SCN11A: variants seen among roughly 807,000 people sequenced by gnomAD.
SCN11A encodes the protein sodium voltage-gated channel alpha subunit 11.
A neutral mutation model predicts 162.2 loss-of-function variants in SCN11A; 122 were observed. The observed-to-expected ratio is 0.75, with a 90% CI of 0.65 to 0.87. The LOEUF (loss-of-function observed/expected upper bound fraction) is 0.87. Ranked by LOEUF, SCN11A falls within the 40% of genes least tolerant of loss-of-function variation. The pLI, the probability that SCN11A is intolerant of heterozygous loss-of-function variation, is 0.00. For missense variants in SCN11A, 2,015 were observed against 2,181.6 expected (o/e 0.92, Z 1.52); for synonymous variants, 758 against 751.5 (o/e 1.01, Z -0.14).
chr3:38,995,704 C>T (rs2030603997), intron 2 of SCN11A, among the ~76,000 whole-genome samples: 1 of 152,174 alleles, frequency 6.6e-6, no homozygotes, highest in Admixed American at 6.5e-5. Flanking sequence ...ACTAGAATTA[C>T]ACCACAGTTT....
intron 2 of SCN11A, among the ~76,000 whole-genome samples, chr3:39,008,693 T>C (rs562670290): frequency 5.1e-4 from 78 of 152,212 alleles, no homozygotes; most frequent in African/African-American, 1.7e-3. Context: ...CTTTGAGACC[T>C]GCCTGGCCAA....
At chr3:38,994,495 G>GA (rs1355063169) in intron 2 of SCN11A, among the ~76,000 whole-genome samples, 1 of 152,230 alleles carries the variant, frequency 6.6e-6, no homozygotes, top group African/African-American at 2.4e-5. Flanking sequence ...CTGGAAAAGA[G>GA]AAAGAGGATC....
In SCN11A at chr3:38,846,529, T is replaced by A. The variant is rs561599852; in HGVS notation, c.*165A>T. ...GCCTTATCTTATATCTCTGTAAGTA[T>A]TATTTAAAATGAAATTGAAATATCA... is the stretch of plus-strand genomic sequence containing the variant. On this transcript the variant is annotated 3_prime_UTR_variant, in exon 30 of 30. Transcript: ENST00000302328. 3 of 611,170 alleles carry A rather than the reference T, an allele frequency of 4.9e-6. No homozygotes were observed. The highest frequency in any genetic ancestry group is 1.8e-5 in the African/African-American group (1 of 54,128). The allele number at this position is 611,170 out of a possible 1,614,324, so 37.9% of individuals were successfully genotyped here. A position where few individuals can be genotyped will look rare whatever the true frequency, so the allele number is the denominator to read the frequency against.
intron 11 of SCN11A, among the ~76,000 whole-genome samples, chr3:38,910,633 C>G (rs1278854668): frequency 6.6e-6 from 1 of 152,124 alleles, no homozygotes; most frequent in East Asian, 1.9e-4. Flanking sequence ...ACATGCTTTG[C>G]ACTCTCCTGC....
At chr3:39,015,420 G>C (rs537730450) in intron 2 of SCN11A, among the ~76,000 whole-genome samples, 3 of 152,178 alleles carry the variant, frequency 2.0e-5, no homozygotes, top group African/African-American at 7.2e-5. Flanking sequence ...CAAACCCACT[G>C]AGTAAGCACA....
intron 28 of SCN11A, among the ~76,000 whole-genome samples, chr3:38,852,524 C>G (rs2064799490): frequency 1.3e-5 from 2 of 152,138 alleles, no homozygotes; most frequent in Admixed American, 1.3e-4. Flanking sequence ...TTCTATGTCA[C>G]TTCAGAACGC....
Position 38,867,422 on chromosome 3 carries a change from C to T in SCN11A, c.3850G>A (p.Gly1284Ser), listed in dbSNP as rs767982270. ...QQPEFESNSL[G>S]YIYFVVFIIF... Reference sequence around the variant, plus strand: ...ATAAAGACTACGAAGTAAATGTAACCGAGTGAATTGCTCTCAAACTCTGGC... The same window carrying T: ...ATAAAGACTACGAAGTAAATGTAACTGAGTGAATTGCTCTCAAACTCTGGC... The change falls in exon 27 of 30, where the codon GGT becomes AGT. Residue 1284 changes from glycine to serine, a missense_variant. Transcript: ENST00000302328. 68 of 1,612,844 alleles carry T rather than the reference C, an allele frequency of 4.2e-5. 1 individual carries two copies. The Middle Eastern group carries it at 5.0e-4, about 12-fold the overall frequency.
chr3:39,008,858 G>A lies in SCN11A; in HGVS notation c.-280+23522C>T, dbSNP rs570925465. Among the ~76,000 whole-genome samples, 3 of 150,128 alleles carry A rather than the reference G, an allele frequency of 2.0e-5. No individual in the cohort carries two copies. The South Asian group carries it at 6.3e-4, about 31-fold the overall frequency. ...GATTGTACCATTGCATTCCAGCCTG[G>A]GCAACAGAGCAAGACTCCATCTCAA... On this transcript the variant is annotated intron_variant, in intron 2 of 29. Transcript: ENST00000302328.
At chr3:39,038,066 T>C (rs564499744) in intron 1 of SCN11A, among the ~76,000 whole-genome samples, 1 of 152,218 alleles carries the variant, frequency 6.6e-6, no homozygotes, top group Non-Finnish European at 1.5e-5. Flanking sequence ...AATATCTTTG[T>C]GAGAGCTGTG....
chr3:38,923,438 A>G (rs979744749), intron 9 of SCN11A, among the ~76,000 whole-genome samples: 1 of 152,172 alleles, frequency 6.6e-6, no homozygotes, highest in South Asian at 2.1e-4. Flanking sequence ...TCTCACAGCC[A>G]TCTCAAACAT....
chr3:38,856,056 C>A (rs1343212326), intron 28 of SCN11A, among the ~76,000 whole-genome samples: 2 of 152,194 alleles, frequency 1.3e-5, no homozygotes, highest in African/African-American at 4.8e-5. Flanking sequence ...ACAAAAGAAT[C>A]TGAAGAGCAG....
chr3:38,998,065 C>G (rs2030697940), intron 2 of SCN11A, among the ~76,000 whole-genome samples: 1 of 152,178 alleles, frequency 6.6e-6, no homozygotes, highest in South Asian at 2.1e-4. Flanking sequence ...TTTGCTTTAA[C>G]AACTCCCTCC....
Position 39,015,690 on chromosome 3 carries a change from A to G in SCN11A, c.-280+16690T>C, listed in dbSNP as rs545909789. On this transcript the variant is annotated intron_variant, in intron 2 of 29. Coordinates refer to ENST00000302328, the MANE Select transcript of SCN11A (RefSeq NM_001349253.2). ...TCTCATAGAGACAGTGACTACACTG[A>G]AAAGGGTTACTGAGCACTGGATTGT... Among the ~76,000 whole-genome samples, 343 of 152,318 alleles carry G rather than the reference A, an allele frequency of 2.3e-3. 1 individual carries two copies. Among genetic ancestry groups the G allele is most frequent in the African/African-American group, 7.8e-3 (326 of 41,566 alleles).
chr3:39,004,793 C>T (rs139293845), intron 2 of SCN11A, among the ~76,000 whole-genome samples: 7 of 152,170 alleles, frequency 4.6e-5, no homozygotes, highest in Non-Finnish European at 1.0e-4. Context: ...TCCAGGTTGA[C>T]GATTTTTTTC....
intron 27 of SCN11A, among the ~76,000 whole-genome samples, chr3:38,864,320 A>G (rs1292914179): frequency 6.6e-6 from 1 of 152,162 alleles, no homozygotes; most frequent in Non-Finnish European, 1.5e-5. Context: ...CTAGAAGTCA[A>G]CCTAAAAATT....
At position 38,949,999 on chromosome 3, in the gene SCN11A, A is replaced by G. The variant is rs1051186382; in HGVS notation, c.267+97T>C. 26 of 750,284 alleles carry G rather than the reference A, an allele frequency of 3.5e-5. 1 individual carries two copies. In the African/African-American group the frequency reaches 4.5e-4, roughly 13 times the overall value. The allele number at this position is 750,284 out of a possible 1,614,324, so 46.5% of individuals were successfully genotyped here. The stretch of plus-strand genomic sequence containing the variant: ...AAGAGGCACAGCCTGCCTGCTATAA[A>G]CCCTAAGAGTGGTGTTTGGAGAACC... On this transcript the variant is annotated intron_variant, in intron 5 of 29. Coordinates refer to ENST00000302328, the MANE Select transcript of SCN11A (RefSeq NM_001349253.2).
At chr3:38,997,690 T>C (rs2030686567) in intron 2 of SCN11A, among the ~76,000 whole-genome samples, 1 of 152,226 alleles carries the variant, frequency 6.6e-6, no homozygotes, top group African/African-American at 2.4e-5. Flanking sequence ...TAGTAAATGT[T>C]TGTTGAATGG....
intron 7 of SCN11A, among the ~76,000 whole-genome samples, chr3:38,938,228 T>C (rs1310929426): frequency 6.6e-6 from 1 of 151,366 alleles, no homozygotes; most frequent in Non-Finnish European, 1.5e-5. Context: ...TGGGGACTGT[T>C]GTGGGGTGGG....
chr3:38,978,310 A>G (rs1033036077), intron 2 of SCN11A, among the ~76,000 whole-genome samples: 4 of 152,204 alleles, frequency 2.6e-5, no homozygotes, highest in African/African-American at 9.6e-5. Flanking sequence ...TCTTAGATAT[A>G]TTCTTTTTAA....
Sources: gnomAD v4.1 joint callset for allele counts (sites outside exome capture counted in the v4.1 genomes callset) on GRCh38, gnomAD v4.1.1 for gene constraint, MANE v1.5 for transcripts, NCBI Gene and HGNC (gene_info 2026-07-23, HGNC 2026-07-21) for gene names.